The following VMP1 variants were observed in gnomAD, a reference collection of about 807,000 sequenced individuals.
The protein encoded by VMP1 is ectopic P-granules autophagy protein 3 homolog.
In VMP1, 11 loss-of-function variants were observed where a neutral mutation model predicts 56.0. That is an observed-to-expected ratio of 0.20 (90% CI 0.12 to 0.32). The LOEUF (loss-of-function observed/expected upper bound fraction) is 0.32. Among genes scored for constraint, VMP1 ranks in the 10% least tolerant of loss-of-function variants. The probability of loss-of-function intolerance (pLI) is 1.00; values close to 1 mark genes in which losing one functional copy is unlikely to be tolerated. For synonymous variants in VMP1, 149 were observed against 165.0 expected (o/e 0.90, Z 0.74); for missense variants, 296 against 490.3 (o/e 0.60, Z 3.74).
At chr17:59,713,365 C>T (rs1283936703) in intron 1 of VMP1, among the ~76,000 whole-genome samples, 2 of 151,974 alleles carry the variant, frequency 1.3e-5, no homozygotes, top group Admixed American at 6.6e-5. Flanking sequence ...CAAACCTGCA[C>T]ATTGTGCACA....
At chr17:59,789,835 CTTTTTTT>C (rs754631557) in intron 7 of VMP1, among the ~76,000 whole-genome samples, 15 of 85,964 alleles carry the variant, frequency 1.7e-4, no homozygotes, top group African/African-American at 4.8e-4. Context: ...CTTTCTTTCC[CTTTTTTT>C]TTTTTTTTTT....
intron 7 of VMP1, among the ~76,000 whole-genome samples, chr17:59,808,248 C>T (rs181266023): frequency 4.6e-4 from 70 of 152,332 alleles, no homozygotes; most frequent in Non-Finnish European, 8.4e-4. Context: ...ATAATATCCA[C>T]TATACCTACA....
rs1439842519 is a variant in VMP1, at chr17:59,801,148, G to GTGTGTGTA, written c.715-7647_715-7646insGTGTGTAT. On this transcript the variant is annotated intron_variant, in intron 7 of 11. Coordinates refer to ENST00000262291, the MANE Select transcript of VMP1 (RefSeq NM_030938.5). ...TGTGTGTGTGTGTGTGTGTGTGTGT[G>GTGTGTGTA]TATGGCACATACAGTTATATATAGT... is the stretch of plus-strand genomic sequence containing the variant. Among the ~76,000 whole-genome samples, 444 of 136,326 alleles carry GTGTGTGTA rather than the reference G, an allele frequency of 3.3e-3. 1 individual carries two copies. Among genetic ancestry groups the GTGTGTGTA allele is most frequent in the Middle Eastern group, 0.012 (3 of 256 alleles). The allele number at this position is 136,326 out of a possible 152,430, so 89.4% of individuals were successfully genotyped here.
intron 7 of VMP1, among the ~76,000 whole-genome samples, chr17:59,780,566 T>A (rs1216697142): frequency 6.7e-6 from 1 of 149,874 alleles, no homozygotes; most frequent in Non-Finnish European, 1.5e-5. Context: ...TTTCGTGTTG[T>A]TTGTTTTTGT....
At chr17:59,763,474 C>T (rs796687740) in intron 5 of VMP1, among the ~76,000 whole-genome samples, 4 of 152,130 alleles carry the variant, frequency 2.6e-5, no homozygotes, top group African/African-American at 9.6e-5. Context: ...GCTAAAACTT[C>T]ACATCGATTT....
intron 5 of VMP1, among the ~76,000 whole-genome samples, chr17:59,759,242 C>T (rs187900183): frequency 3.3e-5 from 5 of 152,136 alleles, no homozygotes; most frequent in East Asian, 1.9e-4. Context: ...GGTGTGGTGG[C>T]GGGTGCCTGT....
At chr17:59,804,471 C>T (rs901800911) in intron 7 of VMP1, among the ~76,000 whole-genome samples, 7 of 151,630 alleles carry the variant, frequency 4.6e-5, no homozygotes, top group African/African-American at 7.3e-5. Flanking sequence ...AAAAATCATC[C>T]GGGCGTTGCG....
intron 7 of VMP1, among the ~76,000 whole-genome samples, chr17:59,789,835 C>CTT (rs754631557): frequency 0.047 from 4,039 of 85,792 alleles, 359 homozygotes; most frequent in Middle Eastern, 0.077. Context: ...CTTTCTTTCC[C>CTT]TTTTTTTTTT....
chr17:59,777,132 T>C (rs1394921286), intron 7 of VMP1, among the ~76,000 whole-genome samples: 1 of 152,196 alleles, frequency 6.6e-6, no homozygotes. Context: ...CATTCTGGAC[T>C]TGCTGTTCAG....
chr17:59,773,652 T>C (rs2036518167), intron 6 of VMP1, 102 bp from the exon 7 acceptor site: 1 of 1,182,112 alleles, frequency 8.5e-7, no homozygotes, highest in Non-Finnish European at 1.2e-6. Flanking sequence ...ATATATTGCA[T>C]CTCAAAATGC....
At chr17:59,717,572 A>G (rs557494840) in intron 1 of VMP1, among the ~76,000 whole-genome samples, 1 of 152,008 alleles carries the variant, frequency 6.6e-6, no homozygotes, top group South Asian at 2.1e-4. Flanking sequence ...TGGTACAGAC[A>G]GGGTTCCACA....
intron 5 of VMP1, among the ~76,000 whole-genome samples, chr17:59,756,980 T>A (rs539365131): frequency 6.6e-6 from 1 of 152,162 alleles, no homozygotes; most frequent in East Asian, 1.9e-4. Flanking sequence ...CATGAGCCGC[T>A]GTAGTATAAA....
chr17:59,804,408 G>A (rs1237320096), intron 7 of VMP1, among the ~76,000 whole-genome samples: 1 of 151,938 alleles, frequency 6.6e-6, no homozygotes, highest in East Asian at 1.9e-4. Context: ...AAGCTCAGGA[G>A]TTTGACACCA....
rs1167883464 is a variant in VMP1, at chr17:59,839,483, CA to C, written c.1078-282del. On this transcript the variant is annotated intron_variant, in intron 11 of 11. Transcript: ENST00000262291. ...TGGCGACTTCAGAGTTGAGTTTAAT[CA>C]AAGAGTTTATTCTTAGGTCCTAGTA... The C allele has an allele frequency of 1.8e-5, 6 of 329,936 alleles. No homozygotes were observed. In the Admixed American group the frequency reaches 2.4e-4, roughly 13 times the overall value. The allele number at this position is 329,936 out of a possible 1,614,324, so 20.4% of individuals were successfully genotyped here.
chr17:59,747,761 G>A (rs2035481555), intron 5 of VMP1, among the ~76,000 whole-genome samples: 1 of 151,726 alleles, frequency 6.6e-6, no homozygotes, highest in Non-Finnish European at 1.5e-5. Flanking sequence ...TGGGTGTGGG[G>A]GTGAACACCT....
intron 10 of VMP1, among the ~76,000 whole-genome samples, chr17:59,831,823 A>C (rs1221219545): frequency 6.6e-6 from 1 of 151,622 alleles, no homozygotes; most frequent in Non-Finnish European, 1.5e-5. Context: ...ACAGAAGTTA[A>C]CAATAACAAA....
At chr17:59,744,098 T>G (rs906429369) in intron 5 of VMP1, among the ~76,000 whole-genome samples, 10 of 151,704 alleles carry the variant, frequency 6.6e-5, no homozygotes, top group Non-Finnish European at 1.3e-4. Flanking sequence ...TTTTGTTTTT[T>G]TTTTTTAAAT....
chr17:59,838,242 G>A (rs545174483), intron 10 of VMP1, 53 bp from the exon 11 acceptor site: 2 of 1,508,208 alleles, frequency 1.3e-6, no homozygotes. Context: ...CGTTTTTCCT[G>A]CTTTTCTTCC....
intron 5 of VMP1, among the ~76,000 whole-genome samples, chr17:59,745,175 G>A (rs774308956): frequency 2.0e-5 from 3 of 152,194 alleles, no homozygotes; most frequent in Non-Finnish European, 4.4e-5. Flanking sequence ...GAGCATAAGT[G>A]ATAGATGTTG....
Sources: gnomAD v4.1 joint callset for allele counts (sites outside exome capture counted in the v4.1 genomes callset) on GRCh38, gnomAD v4.1.1 for gene constraint, MANE v1.5 for transcripts, NCBI Gene and HGNC (gene_info 2026-07-23, HGNC 2026-07-21) for gene names.